The following NEGR1 variants were observed in gnomAD, a reference collection of about 807,000 sequenced individuals.
NEGR1 encodes the protein neuronal growth regulator 1.
NEGR1 carries 10 observed loss-of-function variants against 40.9 expected under a neutral mutation model. That is an observed-to-expected ratio of 0.24 (90% confidence interval 0.15 to 0.42). NEGR1 has a LOEUF of 0.42. NEGR1 is among the 10% of genes least tolerant of loss of function. The probability of loss-of-function intolerance (pLI) is 1.00; values close to 1 mark genes in which losing one functional copy is unlikely to be tolerated. For missense variants in NEGR1, 352 were observed against 438.9 expected (o/e 0.80, Z 1.77); for synonymous variants, 185 against 166.8 (o/e 1.11, Z -0.84).
At chr1:71,513,019 T>C (rs1647087567) in intron 6 of NEGR1, among the ~76,000 whole-genome samples, 1 of 152,176 alleles carries the variant, frequency 6.6e-6, no homozygotes, top group Admixed American at 6.5e-5. Flanking sequence ...TACCTCATAA[T>C]TATAGTACAC....
In NEGR1 at chr1:71,400,404, A is replaced by T. The variant is rs1646238972; in HGVS notation, c.*7042T>A. The T allele has an allele frequency of 6.6e-6, 1 of 152,066 alleles. No individual in the cohort carries two copies. Among genetic ancestry groups the T allele is most frequent in the Admixed American group, 6.6e-5 (1 of 15,258 alleles). 9.4% of individuals were successfully genotyped at this position (152,066 alleles called of 1,614,324 possible). On this transcript the variant is annotated 3_prime_UTR_variant, in exon 7 of 7. Transcript: ENST00000357731. Reference sequence around the variant, plus strand: ...CATTTTTCTTACTGTTTTTGATATAAAATTCCTGTTATACCATGAATTAAA... The same window carrying T: ...CATTTTTCTTACTGTTTTTGATATATAATTCCTGTTATACCATGAATTAAA...
At chr1:71,627,196 T>A (rs932074637) in intron 4 of NEGR1, among the ~76,000 whole-genome samples, 3 of 152,164 alleles carry the variant, frequency 2.0e-5, no homozygotes, top group Non-Finnish European at 4.4e-5. Flanking sequence ...CACATGCACA[T>A]GTATGTGTAT....
chr1:71,783,245 ATCCT>A (rs1278243219), intron 2 of NEGR1, among the ~76,000 whole-genome samples: 1 of 152,118 alleles, frequency 6.6e-6, no homozygotes, highest in East Asian at 1.9e-4. Flanking sequence ...TCAAAAGAAC[ATCCT>A]TCCTTTCACT....
chr1:71,927,604 G>A (rs1461295578), intron 2 of NEGR1, among the ~76,000 whole-genome samples: 1 of 151,740 alleles, frequency 6.6e-6, no homozygotes, highest in Non-Finnish European at 1.5e-5. Context: ...TCAGACCATT[G>A]TCTCTCTAGA....
At chr1:71,948,092 T>G (rs1646037501) in intron 1 of NEGR1, among the ~76,000 whole-genome samples, 1 of 152,146 alleles carries the variant, frequency 6.6e-6, no homozygotes, top group Non-Finnish European at 1.5e-5. Context: ...AAAATACAGT[T>G]GCTTAAAAAA....
chr1:71,550,568 A>G (rs1471776940), intron 6 of NEGR1, among the ~76,000 whole-genome samples: 1 of 151,504 alleles, frequency 6.6e-6, no homozygotes, highest in Non-Finnish European at 1.5e-5. Flanking sequence ...TTCAGGCTGT[A>G]AACCTGTGTA....
chr1:71,897,194 TTG>T, intron 2 of NEGR1, among the ~76,000 whole-genome samples: 1 of 152,218 alleles, frequency 6.6e-6, no homozygotes, highest in South Asian at 2.1e-4. Context: ...CGAAGTATTA[TTG>T]TCTCTGTTTT....
At chr1:72,053,201 C>T (rs1262006689) in intron 1 of NEGR1, among the ~76,000 whole-genome samples, 2 of 151,072 alleles carry the variant, frequency 1.3e-5, no homozygotes, top group South Asian at 2.1e-4. Context: ...ATAAACATAC[C>T]CTTTTCTTTG....
chr1:72,166,090 G>A (rs916004002), intron 1 of NEGR1, among the ~76,000 whole-genome samples: 1 of 151,960 alleles, frequency 6.6e-6, no homozygotes, highest in African/African-American at 2.4e-5. Context: ...TTTTATCTAT[G>A]TGCCTTTATC....
chr1:71,597,412 T>TTTTATATA (rs1553152604), intron 5 of NEGR1, among the ~76,000 whole-genome samples: 1 of 120,538 alleles, frequency 8.3e-6, no homozygotes, highest in Non-Finnish European at 1.6e-5. Context: ...GGAGTTTTAT[T>TTTTATATA]TATATATATA....
intron 6 of NEGR1, among the ~76,000 whole-genome samples, chr1:71,429,184 A>C (rs1646449287): frequency 6.6e-6 from 1 of 152,152 alleles, no homozygotes; most frequent in Non-Finnish European, 1.5e-5. Context: ...ACACATACCT[A>C]TATTTACTTT....
intron 3 of NEGR1, among the ~76,000 whole-genome samples, chr1:71,749,628 T>C (rs1216079830): frequency 6.6e-6 from 1 of 152,180 alleles, no homozygotes; most frequent in Admixed American, 6.5e-5. Flanking sequence ...ACTCCCCATC[T>C]CGCAGAAGCT....
intron 6 of NEGR1, among the ~76,000 whole-genome samples, chr1:71,483,141 T>C (rs1353181265): frequency 6.6e-6 from 1 of 151,372 alleles, no homozygotes; most frequent in African/African-American, 2.4e-5. Context: ...AAACAGCCAG[T>C]ATATTTAAGG....
intron 6 of NEGR1, among the ~76,000 whole-genome samples, chr1:71,549,921 G>T (rs921823718): frequency 6.6e-6 from 1 of 151,620 alleles, no homozygotes; most frequent in Non-Finnish European, 1.5e-5. Flanking sequence ...GAAATCTATT[G>T]AATGCATGTC....
chr1:71,788,016 A>T (rs774639973), intron 2 of NEGR1, among the ~76,000 whole-genome samples: 19 of 152,220 alleles, frequency 1.2e-4, no homozygotes, highest in Admixed American at 3.3e-4. Flanking sequence ...GTCTTGCCTT[A>T]GAAAACATTC....
At chr1:71,808,576 C>T (rs1023598316) in intron 2 of NEGR1, among the ~76,000 whole-genome samples, 1 of 152,072 alleles carries the variant, frequency 6.6e-6, no homozygotes, top group African/African-American at 2.4e-5. Flanking sequence ...CTTTATTATA[C>T]TTTTTACTGT....
chr1:72,196,323 G>A (rs192026106), intron 1 of NEGR1, among the ~76,000 whole-genome samples: 1 of 152,062 alleles, frequency 6.6e-6, no homozygotes, highest in East Asian at 1.9e-4. Context: ...ACATTTCTGT[G>A]CCAAGCATTT....
At chr1:71,976,204 C>A (rs1197610827) in intron 1 of NEGR1, among the ~76,000 whole-genome samples, 1 of 152,110 alleles carries the variant, frequency 6.6e-6, no homozygotes, top group Admixed American at 6.5e-5. Flanking sequence ...TTTTTTGTTT[C>A]TTTCCTTTTG....
intron 1 of NEGR1, among the ~76,000 whole-genome samples, chr1:72,191,989 C>G (rs762824410): frequency 2.0e-5 from 3 of 151,900 alleles, no homozygotes; most frequent in Non-Finnish European, 4.4e-5. Context: ...AGTATCAATA[C>G]TGTTTTATCT....
Sources: gnomAD v4.1 joint callset for allele counts (sites outside exome capture counted in the v4.1 genomes callset) on GRCh38, gnomAD v4.1.1 for gene constraint, MANE v1.5 for transcripts, NCBI Gene and HGNC (gene_info 2026-07-23, HGNC 2026-07-21) for gene names.